The following RAP1A variants were observed in gnomAD, a reference collection of about 807,000 sequenced individuals.
RAP1A encodes RAP1A, member of RAS oncogene family, also known as ras-related protein Rap-1A.
RAP1A carries 6 observed loss-of-function variants against 26.4 expected under a neutral mutation model. That is an observed-to-expected ratio of 0.23 (90% CI 0.12 to 0.45). The LOEUF (loss-of-function observed/expected upper bound fraction) is 0.45. RAP1A is among the 20% of genes least tolerant of loss of function. The probability of loss-of-function intolerance (pLI) is 0.99; values close to 1 mark genes in which losing one functional copy is unlikely to be tolerated. For synonymous variants in RAP1A, 73 were observed against 79.4 expected, an observed-to-expected ratio of 0.92 and a Z score of 0.43; for missense variants, 121 against 217.2, an observed-to-expected ratio of 0.56 and a Z score of 2.78.
intron 1 of RAP1A, among the ~76,000 whole-genome samples, chr1:111,655,841 T>G (rs1660440516): frequency 6.6e-6 from 1 of 151,656 alleles, no homozygotes; most frequent in African/African-American, 2.4e-5. Flanking sequence ...GCCTGGCTAA[T>G]TTTTTTGTTT....
intron 1 of RAP1A, among the ~76,000 whole-genome samples, chr1:111,577,925 T>A (rs1228287694): frequency 6.6e-6 from 1 of 152,168 alleles, no homozygotes; most frequent in Non-Finnish European, 1.5e-5. Flanking sequence ...ATTGAGCATC[T>A]CCTGTATGTC....
rs563449300 is a variant in RAP1A at position 111,688,992 on chromosome 1, G to A, written c.-27-2342G>A. On this transcript the variant is annotated intron_variant, in intron 1 of 7. Coordinates refer to ENST00000369709, the MANE Select transcript of RAP1A (RefSeq NM_002884.4). ...TGGGACCATAGGCACATGCCACCAC[G>A]CTCAGCTAATTTTTTGTATTTTTGG... Among the ~76,000 whole-genome samples, 138 of 151,690 alleles carry A rather than the reference G, an allele frequency of 9.1e-4. No homozygotes were observed. The Middle Eastern group carries it at 0.01, about 11-fold the overall frequency.
chr1:111,637,079 T>C (rs1000308895), intron 1 of RAP1A, among the ~76,000 whole-genome samples: 2 of 152,180 alleles, frequency 1.3e-5, no homozygotes, highest in African/African-American at 4.8e-5. Context: ...CTCAGATGAT[T>C]CTGATGAGAT....
intron 1 of RAP1A, among the ~76,000 whole-genome samples, chr1:111,631,900 G>A (rs1336016673): frequency 7.0e-6 from 1 of 141,988 alleles, no homozygotes; most frequent in Non-Finnish European, 1.5e-5. Flanking sequence ...AGAGTTTTTG[G>A]CTTTAAAAAA....
intron 1 of RAP1A, among the ~76,000 whole-genome samples, chr1:111,610,964 AT>A (rs5777067): frequency 0.83 from 126,051 of 151,816 alleles, 52,471 homozygotes; most frequent in South Asian, 0.87. Flanking sequence ...GAAGAAACAT[AT>A]TTTTTTTTTA....
intron 1 of RAP1A, among the ~76,000 whole-genome samples, chr1:111,594,558 A>G (rs974177895): frequency 1.6e-5 from 2 of 127,024 alleles, no homozygotes; most frequent in African/African-American, 6.0e-5. Flanking sequence ...GAAAGAAGGA[A>G]AGGAGGGAGG....
Position 111,697,511 on chromosome 1 carries a change from C to T in RAP1A, c.183+14C>T. The stretch of plus-strand genomic sequence containing the variant: ...ACTGCAGGGACAGTAAGGATGTTTT[C>T]TCTTTTTTTGATAGATTTTAATTTG... On this transcript the variant is annotated intron_variant, in intron 4 of 7. Transcript: ENST00000369709. The T allele has an allele frequency of 3.1e-6, 5 of 1,604,604 alleles. No individual in the cohort carries two copies. The highest frequency in any genetic ancestry group is 3.4e-6 in the Non-Finnish European group (4 of 1,175,614).
rs888172038 is a variant in RAP1A at position 111,666,978 on chromosome 1, G to C, written c.-27-24356G>C. On this transcript the variant is annotated intron_variant, in intron 1 of 7. Transcript: ENST00000369709. ...AAGTGGATACAGGCCAAATCATTAG[G>C]AGCTTTGAGAACTTGGAGTTTAATC... Among the ~76,000 whole-genome samples, 5 of 136,700 alleles carry C rather than the reference G, an allele frequency of 3.7e-5. No individual in the cohort carries two copies. The South Asian group carries it at 1.2e-3, about 32-fold the overall frequency. The allele number at this position is 136,700 out of a possible 152,430, so 89.7% of individuals were successfully genotyped here.
At chr1:111,552,097 A>C (rs1657285206) in intron 1 of RAP1A, among the ~76,000 whole-genome samples, 1 of 152,258 alleles carries the variant, frequency 6.6e-6, no homozygotes. Context: ...CAAAGGCTAA[A>C]ACATTTACTT....
At chr1:111,560,558 A>G (rs1193834839) in intron 1 of RAP1A, among the ~76,000 whole-genome samples, 2 of 151,666 alleles carry the variant, frequency 1.3e-5, no homozygotes, top group Non-Finnish European at 2.9e-5. Context: ...GCACGATCAT[A>G]GCTCACTGCA....
chr1:111,650,542 T>A (rs1043952625), intron 1 of RAP1A: 1 of 152,180 alleles, frequency 6.6e-6, no homozygotes, highest in Non-Finnish European at 1.5e-5. Context: ...AAGCATGACT[T>A]AATTTTTTTA....
intron 1 of RAP1A, among the ~76,000 whole-genome samples, chr1:111,591,277 A>G (rs1007287269): frequency 5.3e-5 from 8 of 152,090 alleles, no homozygotes; most frequent in African/African-American, 1.9e-4. Flanking sequence ...TCAAAGAACC[A>G]GCTTTTTGTT....
chr1:111,579,037 C>T lies in RAP1A; in HGVS notation c.-28+36528C>T, dbSNP rs576485109. Among the ~76,000 whole-genome samples the T allele has an allele frequency of 1.3e-4, 20 of 152,288 alleles. No homozygotes were observed. The South Asian group carries it at 3.7e-3, about 28-fold the overall frequency. On this transcript the variant is annotated intron_variant, in intron 1 of 7. Transcript: ENST00000356415. ...AAGCACAGGGCAAGGTATGGCAGAG[C>T]GGTTGCAGAGCTTCCACGCCGTGTC...
intron 1 of RAP1A, chr1:111,563,936 G>C: frequency 1.2e-6 from 2 of 1,613,588 alleles, no homozygotes; most frequent in Non-Finnish European, 1.7e-6. Flanking sequence ...AATGGGTCCT[G>C]CTGGAGACCC....
At chr1:111,703,615 A>C (rs935137949) in intron 5 of RAP1A, 139 bp downstream of exon 5, 10 of 784,764 alleles carry the variant, frequency 1.3e-5, no homozygotes, top group Admixed American at 3.6e-5. Flanking sequence ...AAAAGAAAAA[A>C]ATTTAACTTT....
intron 1 of RAP1A, among the ~76,000 whole-genome samples, chr1:111,575,554 C>A (rs1658131937): frequency 6.6e-6 from 1 of 152,098 alleles, no homozygotes; most frequent in East Asian, 1.9e-4. Context: ...TGAATTGTGT[C>A]CCCCTGCCCA....
At chr1:111,601,989 A>G (rs1658681386) in intron 1 of RAP1A, among the ~76,000 whole-genome samples, 1 of 152,242 alleles carries the variant, frequency 6.6e-6, no homozygotes, top group South Asian at 2.1e-4. Flanking sequence ...TGAATTTTCA[A>G]TAAACAAGCC....
At chr1:111,671,414 A>G (rs754725167) in intron 1 of RAP1A, among the ~76,000 whole-genome samples, 3 of 152,216 alleles carry the variant, frequency 2.0e-5, no homozygotes, top group Non-Finnish European at 4.4e-5. Context: ...AGAAAACACA[A>G]AATCAGCTAT....
chr1:111,555,105 C>T (rs1657428646), intron 1 of RAP1A, among the ~76,000 whole-genome samples: 1 of 151,956 alleles, frequency 6.6e-6, no homozygotes, highest in Admixed American at 6.6e-5. Flanking sequence ...GTGACTCACA[C>T]CTGTAATTCC....
Sources: gnomAD v4.1 joint callset for allele counts (sites outside exome capture counted in the v4.1 genomes callset) on GRCh38, gnomAD v4.1.1 for gene constraint, MANE v1.5 for transcripts, NCBI Gene and HGNC (gene_info 2026-07-23, HGNC 2026-07-21) for gene names.